The following MYT1L variants were observed in gnomAD, a reference collection of about 807,000 sequenced individuals.
The protein encoded by MYT1L is myelin transcription factor 1 like, also known as myelin transcription factor 1-like protein.
Under a neutral mutation model 126.7 loss-of-function variants are expected in MYT1L, and 12 were observed. The ratio of observed to expected loss-of-function variants is 0.09; its 90% CI spans 0.06 to 0.15. The LOEUF (loss-of-function observed/expected upper bound fraction) is 0.15. MYT1L is among the 10% of genes least tolerant of loss of function. The pLI, the probability that MYT1L is intolerant of heterozygous loss-of-function variation, is 1.00. For missense variants in MYT1L, 979 were observed against 1,585.2 expected, an observed-to-expected ratio of 0.62 and a Z score of 6.49; for synonymous variants, 541 against 604.2, an observed-to-expected ratio of 0.90 and a Z score of 1.53.
intron 9 of MYT1L, among the ~76,000 whole-genome samples, chr2:1,933,826 C>T (rs1330837795): frequency 1.3e-5 from 2 of 151,962 alleles, no homozygotes; most frequent in Non-Finnish European, 2.9e-5. Context: ...ATTGGTGTGG[C>T]GAGGAAGTGA....
chr2:1,798,354 A>G (rs911599758), intron 23 of MYT1L, among the ~76,000 whole-genome samples: 13 of 152,132 alleles, frequency 8.5e-5, no homozygotes, highest in African/African-American at 3.1e-4. Flanking sequence ...TTTGTTCTTT[A>G]TCAGATTTAA....
intron 2 of MYT1L, among the ~76,000 whole-genome samples, chr2:2,281,008 G>C (rs1174316604): frequency 6.6e-6 from 1 of 152,142 alleles, no homozygotes; most frequent in Non-Finnish European, 1.5e-5. Flanking sequence ...TGGTGATATG[G>C]TTTGGCTGTG....
intron 13 of MYT1L, among the ~76,000 whole-genome samples, chr2:1,903,955 G>A (rs13026416): frequency 0.029 from 4,170 of 143,882 alleles, 84 homozygotes; most frequent in Non-Finnish European, 0.044. Flanking sequence ...GTGTGCGCGT[G>A]CGCGCGTGTG....
At chr2:1,813,480 C>G (rs1007934084) in intron 21 of MYT1L, among the ~76,000 whole-genome samples, 5 of 152,130 alleles carry the variant, frequency 3.3e-5, no homozygotes, top group Non-Finnish European at 5.9e-5. Flanking sequence ...GAGCAGGGGT[C>G]CCCAAACTCC....
At chr2:1,866,101 G>C (rs1329388714) in intron 18 of MYT1L, among the ~76,000 whole-genome samples, 1 of 152,198 alleles carries the variant, frequency 6.6e-6, no homozygotes, top group Non-Finnish European at 1.5e-5. Flanking sequence ...CGATGGAGCA[G>C]CTCGAAGCAT....
chr2:2,278,662 C>T (rs191588717), intron 2 of MYT1L, among the ~76,000 whole-genome samples: 1 of 152,266 alleles, frequency 6.6e-6, no homozygotes, highest in Admixed American at 6.5e-5. Flanking sequence ...TATTAACATA[C>T]TTAAGAAATC....
intron 3 of MYT1L, among the ~76,000 whole-genome samples, chr2:2,093,077 G>A (rs2077058218): frequency 6.6e-6 from 1 of 152,110 alleles, no homozygotes; most frequent in Non-Finnish European, 1.5e-5. Flanking sequence ...AGGATGAACT[G>A]ACAATAATAA....
chr2:2,279,770 G>A (rs2095422419), intron 2 of MYT1L, among the ~76,000 whole-genome samples: 2 of 152,164 alleles, frequency 1.3e-5, no homozygotes, highest in African/African-American at 4.8e-5. Context: ...TGTTCATAAG[G>A]GTTTTTAATG....
chr2:2,101,907 C>G (rs1165242868), intron 3 of MYT1L, among the ~76,000 whole-genome samples: 3 of 152,212 alleles, frequency 2.0e-5, no homozygotes, highest in South Asian at 4.1e-4. Flanking sequence ...AAAGGGATCA[C>G]CAGTCATAAC....
chr2:2,308,754 A>G (rs1295415714), intron 1 of MYT1L, among the ~76,000 whole-genome samples: 3 of 151,948 alleles, frequency 2.0e-5, no homozygotes, highest in African/African-American at 7.3e-5. Context: ...CCTACACTTC[A>G]GTACACTCTA....
At chr2:1,846,412 G>A (rs530252806) in intron 19 of MYT1L, among the ~76,000 whole-genome samples, 1 of 152,178 alleles carries the variant, frequency 6.6e-6, no homozygotes, top group South Asian at 2.1e-4. Flanking sequence ...CAATTCACAG[G>A]GGCTTGTCAT....
At chr2:2,092,414 T>C (rs1435279668) in intron 3 of MYT1L, among the ~76,000 whole-genome samples, 2 of 152,126 alleles carry the variant, frequency 1.3e-5, no homozygotes, top group African/African-American at 2.4e-5. Flanking sequence ...GAAATTACAA[T>C]AGTAACATCA....
At chr2:2,200,897 C>T (rs2093043742) in intron 2 of MYT1L, among the ~76,000 whole-genome samples, 1 of 152,174 alleles carries the variant, frequency 6.6e-6, no homozygotes, top group Non-Finnish European at 1.5e-5. Context: ...TGCTCAGCCT[C>T]CTTCCTGAGA....
intron 9 of MYT1L, 135 bp downstream of exon 9, chr2:1,942,846 GA>G: frequency 8.9e-7 from 1 of 1,127,608 alleles, no homozygotes; most frequent in Non-Finnish European, 1.2e-6. Context: ...GTTCATATAA[GA>G]GGTTAATTTT....
chr2:1,799,777 T>C (rs1364649), intron 23 of MYT1L, among the ~76,000 whole-genome samples: 137,567 of 152,274 alleles, frequency 0.9, 62,406 homozygotes, highest in East Asian at 1. Context: ...TTATAATCCC[T>C]ATAATTCCCA....
chr2:1,796,451 C>A (rs955063063), intron 23 of MYT1L, among the ~76,000 whole-genome samples: 1 of 152,176 alleles, frequency 6.6e-6, no homozygotes, highest in African/African-American at 2.4e-5. Flanking sequence ...CCAGGGAGAA[C>A]AGCCATCTTC....
intron 1 of MYT1L, among the ~76,000 whole-genome samples, chr2:2,292,096 G>T (rs535374822): frequency 3.9e-4 from 59 of 152,350 alleles, no homozygotes; most frequent in African/African-American, 1.4e-3. Context: ...TGTGGAGCGG[G>T]AAGGAAGGAA....
chr2:2,203,318 A>C (rs533964249), intron 2 of MYT1L, among the ~76,000 whole-genome samples: 2 of 149,894 alleles, frequency 1.3e-5, no homozygotes, highest in East Asian at 3.9e-4. Context: ...ATTAGGAAAA[A>C]GGAAGTCAAA....
intron 3 of MYT1L, among the ~76,000 whole-genome samples, chr2:2,157,450 G>A (rs921162384): frequency 6.6e-6 from 1 of 152,020 alleles, no homozygotes; most frequent in Non-Finnish European, 1.5e-5. Flanking sequence ...TCACTTTTAG[G>A]GGAAAAGCAG....
Sources: allele counts gnomAD v4.1 joint callset (sites outside exome capture counted in the v4.1 genomes callset), GRCh38; gene constraint gnomAD v4.1.1; transcripts MANE v1.5; gene names NCBI Gene and HGNC (gene_info 2026-07-23, HGNC 2026-07-21).